AGBL4: variants seen among roughly 807,000 people sequenced by gnomAD.
AGBL4 encodes cytosolic carboxypeptidase 6.
A neutral mutation model predicts 66.4 loss-of-function variants in AGBL4; 58 were observed. The ratio of observed to expected loss-of-function variants is 0.87; its 90% CI spans 0.71 to 1.09. The LOEUF (loss-of-function observed/expected upper bound fraction) is 1.09, where lower values mean the gene tolerates loss of function less well. Among genes scored for constraint, AGBL4 ranks in the 50% least tolerant of loss-of-function variants. The pLI is 0.00. For synonymous variants in AGBL4, 234 were observed against 222.9 expected, an observed-to-expected ratio of 1.05 and a Z score of -0.44; for missense variants, 579 against 631.0, an observed-to-expected ratio of 0.92 and a Z score of 0.88.
At chr1:49,846,191 A>G in intron 2 of AGBL4, 3 of 1,459,014 alleles carry the variant, frequency 2.1e-6, no homozygotes, top group Non-Finnish European at 2.9e-6. Context: ...CTTCAACCAC[A>G]GCTCCTCACT....
At chr1:49,836,271 A>T (rs1645846935) in intron 2 of AGBL4, among the ~76,000 whole-genome samples, 1 of 151,990 alleles carries the variant, frequency 6.6e-6, no homozygotes, top group Non-Finnish European at 1.5e-5. Context: ...GGCTTTGTTC[A>T]TTCCTTTTCA....
At chr1:49,491,906 C>A (rs1647192518) in intron 3 of AGBL4, among the ~76,000 whole-genome samples, 1 of 151,744 alleles carries the variant, frequency 6.6e-6, no homozygotes, top group Non-Finnish European at 1.5e-5. Flanking sequence ...TATGTTTTCC[C>A]AATACATACA....
At chr1:48,856,889 G>A (rs1647172968) in intron 6 of AGBL4, among the ~76,000 whole-genome samples, 1 of 152,114 alleles carries the variant, frequency 6.6e-6, no homozygotes, top group Non-Finnish European at 1.5e-5. Flanking sequence ...CTTTCTTTAT[G>A]CCTAGAAAAG....
intron 6 of AGBL4, among the ~76,000 whole-genome samples, chr1:48,695,401 T>G (rs1355168400): frequency 6.6e-6 from 1 of 152,228 alleles, no homozygotes; most frequent in Non-Finnish European, 1.5e-5. Context: ...TTCCCCTCAA[T>G]TTGACTTCAC....
rs1447986519 is a variant in AGBL4, at chr1:48,899,133, C to A, written c.595-31903G>T. On this transcript the variant is annotated intron_variant, in intron 5 of 13. Coordinates refer to ENST00000371839, the MANE Select transcript of AGBL4 (RefSeq NM_032785.4). ...CACCGTCGTGAAGCCCCCGACAGGC[C>A]CCACACCTGCCCAGGTAGAACGGCG... Among the ~76,000 whole-genome samples the A allele has an allele frequency of 1.4e-4, 21 of 152,232 alleles. 1 individual carries two copies. Among genetic ancestry groups the A allele is most frequent in the Admixed American group, 1.4e-3 (21 of 15,288 alleles).
intron 3 of AGBL4, among the ~76,000 whole-genome samples, chr1:49,554,104 G>A (rs1290414835): frequency 6.6e-6 from 1 of 152,132 alleles, no homozygotes; most frequent in East Asian, 1.9e-4. Context: ...CTGCACTTGA[G>A]TCTGGGTGAC....
chr1:48,716,868 A>T (rs540441763), intron 6 of AGBL4, among the ~76,000 whole-genome samples: 1 of 152,254 alleles, frequency 6.6e-6, no homozygotes, highest in South Asian at 2.1e-4. Flanking sequence ...CCTGCCTTCA[A>T]TAAAAAGTCA....
intron 3 of AGBL4, among the ~76,000 whole-genome samples, chr1:49,534,869 T>C (rs919860482): frequency 1.3e-5 from 2 of 152,208 alleles, no homozygotes; most frequent in African/African-American, 4.8e-5. Context: ...TAAAAGTTGC[T>C]CATATGGAGA....
intron 4 of AGBL4, among the ~76,000 whole-genome samples, chr1:49,159,818 T>C (rs1646506517): frequency 1.3e-5 from 2 of 152,208 alleles, no homozygotes; most frequent in African/African-American, 4.8e-5. Context: ...AAGCTGATCT[T>C]CAATCTCTGA....
At chr1:49,144,611 C>T (rs1233904342) in intron 4 of AGBL4, among the ~76,000 whole-genome samples, 1 of 151,878 alleles carries the variant, frequency 6.6e-6, no homozygotes, top group African/African-American at 2.4e-5. Context: ...GTTCTAGTGA[C>T]CCTGATATGG....
intron 6 of AGBL4, among the ~76,000 whole-genome samples, chr1:48,729,870 T>C (rs1196438456): frequency 1.3e-5 from 2 of 151,996 alleles, no homozygotes; most frequent in Non-Finnish European, 2.9e-5. Flanking sequence ...CCTCACTTCA[T>C]CTTGTCTTGG....
chr1:49,345,622 G>A lies in AGBL4; in HGVS notation c.283-99758C>T, dbSNP rs529741683. On this transcript the variant is annotated intron_variant, in intron 3 of 13. Transcript: ENST00000371839. Reference sequence around the variant, plus strand: ...CTTTTGATGACTTTTTGCCTAAATTGTTGGTGATACTTTCTGTTTTGTTTT... The same window carrying A: ...CTTTTGATGACTTTTTGCCTAAATTATTGGTGATACTTTCTGTTTTGTTTT... Among the ~76,000 whole-genome samples, 12 of 152,192 alleles carry A rather than the reference G, an allele frequency of 7.9e-5. No individual in the cohort carries two copies. In the East Asian group the frequency reaches 2.3e-3, roughly 29 times the overall value.
intron 3 of AGBL4, among the ~76,000 whole-genome samples, chr1:49,489,811 T>G (rs1489258567): frequency 6.6e-6 from 1 of 151,702 alleles, no homozygotes; most frequent in African/African-American, 2.4e-5. Context: ...GTGTATGCCT[T>G]TGTTAAAATG....
chr1:48,961,080 G>GGTGTGTGT (rs140660896), intron 5 of AGBL4, among the ~76,000 whole-genome samples: 2,250 of 148,692 alleles, frequency 0.015, 48 homozygotes, highest in African/African-American at 0.045. Context: ...CCCAGTCTGG[G>GGTGTGTGT]GTGTGTGTGT....
intron 3 of AGBL4, among the ~76,000 whole-genome samples, chr1:49,594,265 C>A (rs1484434168): frequency 6.6e-6 from 1 of 152,078 alleles, no homozygotes; most frequent in Non-Finnish European, 1.5e-5. Flanking sequence ...GAACTGGATA[C>A]CTGTACAGGA....
chr1:49,572,990 C>A, intron 3 of AGBL4, among the ~76,000 whole-genome samples: 1 of 152,164 alleles, frequency 6.6e-6, no homozygotes, highest in South Asian at 2.1e-4. Context: ...GCTTCTTGCC[C>A]TTGAACATCA....
At chr1:49,291,233 G>C (rs1644527233) in intron 3 of AGBL4, among the ~76,000 whole-genome samples, 1 of 152,080 alleles carries the variant, frequency 6.6e-6, no homozygotes, top group Non-Finnish European at 1.5e-5. Flanking sequence ...TAGCTTCATT[G>C]ATAAATTCAC....
intron 3 of AGBL4, among the ~76,000 whole-genome samples, chr1:49,376,888 C>T (rs1644483381): frequency 6.6e-6 from 1 of 152,056 alleles, no homozygotes; most frequent in Non-Finnish European, 1.5e-5. Context: ...ATTGTTTATG[C>T]TGCTTACCCA....
intron 4 of AGBL4, among the ~76,000 whole-genome samples, chr1:49,090,210 C>T (rs183127859): frequency 9.2e-5 from 14 of 152,080 alleles, no homozygotes; most frequent in South Asian, 2.1e-4. Flanking sequence ...CACTCCTATT[C>T]GATATAATAC....
Sources: gnomAD v4.1 joint callset for allele counts (sites outside exome capture counted in the v4.1 genomes callset) on GRCh38, gnomAD v4.1.1 for gene constraint, MANE v1.5 for transcripts, NCBI Gene and HGNC (gene_info 2026-07-23, HGNC 2026-07-21) for gene names.